Variants in THSD7A observed in about 807,000 individuals in gnomAD.
The protein encoded by THSD7A is thrombospondin type-1 domain-containing protein 7A.
Under a neutral mutation model 231.3 loss-of-function variants are expected in THSD7A, and 96 were observed. That is an observed-to-expected ratio of 0.41 (90% CI 0.35 to 0.49). THSD7A has a LOEUF of 0.49. THSD7A is among the 20% of genes least tolerant of loss of function. THSD7A has a pLI of 0.05. For missense variants in THSD7A, 2,290 were observed against 2,070.2 expected, an observed-to-expected ratio of 1.11 and a Z score of -2.06; for synonymous variants, 940 against 743.3, an observed-to-expected ratio of 1.26 and a Z score of -4.30.
At chr7:11,830,811 T>C (rs1180645106) in intron 1 of THSD7A, among the ~76,000 whole-genome samples, 3 of 152,200 alleles carry the variant, frequency 2.0e-5, no homozygotes, top group Non-Finnish European at 4.4e-5. Context: ...ATACATACTT[T>C]CCCTTTCAAC....
chr7:11,572,813 C>T (rs1439478200), intron 4 of THSD7A, among the ~76,000 whole-genome samples: 1 of 152,100 alleles, frequency 6.6e-6, no homozygotes, highest in African/African-American at 2.4e-5. Flanking sequence ...ATATCTAGGC[C>T]ATCTCATGAT....
At chr7:11,588,335 C>T (rs1780004138) in intron 4 of THSD7A, among the ~76,000 whole-genome samples, 1 of 152,016 alleles carries the variant, frequency 6.6e-6, no homozygotes, top group Non-Finnish European at 1.5e-5. Context: ...GGAATAAATG[C>T]TACATTTTTA....
chr7:11,621,605 T>C (rs564583680), intron 2 of THSD7A, among the ~76,000 whole-genome samples: 5 of 152,246 alleles, frequency 3.3e-5, no homozygotes, highest in Admixed American at 6.5e-5. Flanking sequence ...TGTCATAGAG[T>C]TCCTGTAGAC....
At chr7:11,826,398 G>A (rs1485061124) in intron 1 of THSD7A, among the ~76,000 whole-genome samples, 1 of 152,134 alleles carries the variant, frequency 6.6e-6, no homozygotes, top group Non-Finnish European at 1.5e-5. Context: ...AAAAGTTTAT[G>A]TATTCAACAT....
At chr7:11,664,032 G>GGA (rs1242006392) in intron 1 of THSD7A, among the ~76,000 whole-genome samples, 1 of 151,256 alleles carries the variant, frequency 6.6e-6, no homozygotes, top group Non-Finnish European at 1.5e-5. Context: ...CAACTTGCTG[G>GGA]GATCTTTTAC....
intron 2 of THSD7A, among the ~76,000 whole-genome samples, chr7:11,604,376 C>T (rs1178685552): frequency 6.6e-6 from 1 of 152,050 alleles, no homozygotes; most frequent in African/African-American, 2.4e-5. Context: ...CCTAGAATAT[C>T]TCAGATAATC....
chr7:11,595,374 T>C (rs1489782868), intron 2 of THSD7A, among the ~76,000 whole-genome samples: 7 of 152,092 alleles, frequency 4.6e-5, no homozygotes, highest in Admixed American at 4.6e-4. Context: ...GGAAGGAAGA[T>C]AGAGTCGGGT....
intron 1 of THSD7A, among the ~76,000 whole-genome samples, chr7:11,711,397 C>T (rs957949078): frequency 7.3e-5 from 11 of 150,908 alleles, no homozygotes. Flanking sequence ...TTCCTATCCC[C>T]CAAGTTAAGT....
chr7:11,720,750 G>A (rs1198136494), intron 1 of THSD7A, among the ~76,000 whole-genome samples: 1 of 151,596 alleles, frequency 6.6e-6, no homozygotes, highest in East Asian at 2.0e-4. Context: ...TCCTTCTCAG[G>A]CCTTATTTGC....
intron 6 of THSD7A, among the ~76,000 whole-genome samples, chr7:11,527,134 C>A (rs1431354811): frequency 1.3e-5 from 2 of 152,034 alleles, no homozygotes; most frequent in African/African-American, 4.8e-5. Flanking sequence ...GGTTGTGTAT[C>A]CTAGAGAAGT....
At chr7:11,597,633 G>C (rs990541890) in intron 2 of THSD7A, among the ~76,000 whole-genome samples, 12 of 152,178 alleles carry the variant, frequency 7.9e-5, no homozygotes, top group African/African-American at 2.9e-4. Context: ...CTCCTTTTGA[G>C]AGACAGCTCT....
chr7:11,707,997 T>G (rs1326918120), intron 1 of THSD7A, among the ~76,000 whole-genome samples: 1 of 150,798 alleles, frequency 6.6e-6, no homozygotes, highest in African/African-American at 2.4e-5. Flanking sequence ...AACACTAACA[T>G]GTCAAACCAA....
chr7:11,649,155 C>G (rs553303718), intron 1 of THSD7A, among the ~76,000 whole-genome samples: 1 of 152,056 alleles, frequency 6.6e-6, no homozygotes, highest in African/African-American at 2.4e-5. Context: ...TGGGGGAAGC[C>G]ATCTATGATG....
At chr7:11,500,046 A>G (rs1787267524) in intron 6 of THSD7A, among the ~76,000 whole-genome samples, 1 of 152,188 alleles carries the variant, frequency 6.6e-6, no homozygotes, top group African/African-American at 2.4e-5. Flanking sequence ...GTTGAAATGA[A>G]AGAATGTTAA....
chr7:11,470,508 T>C lies in THSD7A; in HGVS notation c.2253-514A>G, dbSNP rs1383233727. ...TACACAGTACATGCTCAAAACACAA[T>C]ACTGTATTAAAAACTACATATTTAA... On this transcript the variant is annotated intron_variant, in intron 8 of 27. Coordinates refer to ENST00000423059, the MANE Select transcript of THSD7A (RefSeq NM_015204.3). Among the ~76,000 whole-genome samples the C allele has an allele frequency of 2.6e-5, 4 of 151,806 alleles. No individual in the cohort carries two copies. The East Asian group carries it at 5.8e-4, about 22-fold the overall frequency.
At chr7:11,399,866 G>A (rs575833901) in intron 23 of THSD7A, among the ~76,000 whole-genome samples, 203 of 152,212 alleles carry the variant, frequency 1.3e-3, no homozygotes, top group African/African-American at 4.6e-3. Context: ...GCACACATAC[G>A]TTTATTGCGG....
intron 1 of THSD7A, among the ~76,000 whole-genome samples, chr7:11,787,111 T>A (rs1252776022): frequency 6.6e-6 from 1 of 152,154 alleles, no homozygotes; most frequent in African/African-American, 2.4e-5. Context: ...AACACTCAGA[T>A]TGAATTGTTT....
chr7:11,510,568 T>G lies in THSD7A; in HGVS notation c.1823-28586A>C, dbSNP rs571786369. On this transcript the variant is annotated intron_variant, in intron 6 of 27. Coordinates refer to ENST00000423059, the MANE Select transcript of THSD7A (RefSeq NM_015204.3). ...GAATCCAGCAGCACATCAAAAAGCT[T>G]ATCCACCACAATCAAGTTGGCTTCA... Among the ~76,000 whole-genome samples, 5 of 152,252 alleles carry G rather than the reference T, an allele frequency of 3.3e-5. No individual in the cohort carries two copies. The East Asian group carries it at 9.7e-4, about 29-fold the overall frequency.
intron 1 of THSD7A, among the ~76,000 whole-genome samples, chr7:11,678,238 A>G (rs1001610273): frequency 1.3e-5 from 2 of 152,200 alleles, no homozygotes; most frequent in African/African-American, 4.8e-5. Context: ...CATAGGAGAA[A>G]GCAGGAAAGA....
Sources: allele counts gnomAD v4.1 joint callset (sites outside exome capture counted in the v4.1 genomes callset), GRCh38; gene constraint gnomAD v4.1.1; transcripts MANE v1.5; gene names NCBI Gene and HGNC (gene_info 2026-07-23, HGNC 2026-07-21).